RTN1: variants seen among roughly 807,000 people sequenced by gnomAD.
The protein encoded by RTN1 is reticulon 1.
Under a neutral mutation model 65.5 loss-of-function variants are expected in RTN1, and 25 were observed. That is an observed-to-expected ratio of 0.38 (90% CI 0.28 to 0.53). The LOEUF (loss-of-function observed/expected upper bound fraction) is 0.53. Among genes scored for constraint, RTN1 ranks in the 20% least tolerant of loss-of-function variants. RTN1 has a pLI of 0.79. For synonymous variants in RTN1, 471 were observed against 447.6 expected (o/e 1.05, Z -0.66); for missense variants, 983 against 1,025.4 (o/e 0.96, Z 0.57).
intron 1 of RTN1, among the ~76,000 whole-genome samples, chr14:59,771,158 T>C (rs1321846867): frequency 6.6e-6 from 1 of 152,224 alleles, no homozygotes. Flanking sequence ...TCTGTAGCCA[T>C]GATGGACTTG....
At position 59,870,319 on chromosome 14, in the gene RTN1, C is replaced by A; in HGVS notation, c.241+71G>T. 7.4e-7 allele frequency: 1 copy of A among 1,353,704 alleles called. No homozygotes were observed. The highest frequency in any genetic ancestry group is 9.5e-7 in the Non-Finnish European group (1 of 1,054,334). The allele number at this position is 1,353,704 out of a possible 1,614,324, so 83.9% of individuals were successfully genotyped here. On this transcript the variant is annotated intron_variant, in intron 1 of 8. Coordinates refer to ENST00000267484, the MANE Select transcript of RTN1 (RefSeq NM_021136.3). The surrounding 1 kb of genome is among the most constrained non-coding windows in gnomAD (Gnocchi z 5.1). ...GCGCGAGGCAGGTGCCCAGGAGAGCCGCGCAGAAGGGGACTGACTGGGGGG... is the reference window on the plus strand; with the variant it reads ...GCGCGAGGCAGGTGCCCAGGAGAGCAGCGCAGAAGGGGACTGACTGGGGGG...
chr14:59,623,464 G>T (rs1188753036), intron 3 of RTN1, among the ~76,000 whole-genome samples: 1 of 152,192 alleles, frequency 6.6e-6, no homozygotes, highest in Non-Finnish European at 1.5e-5. Flanking sequence ...TCACTTGGAG[G>T]GATCTTCACA....
At chr14:59,837,337 A>G in intron 1 of RTN1, among the ~76,000 whole-genome samples, 1 of 152,204 alleles carries the variant, frequency 6.6e-6, no homozygotes. Flanking sequence ...ATGTAAAAAA[A>G]TAAAATATTT....
At position 59,849,624 on chromosome 14, in the gene RTN1, T is replaced by A. The variant is rs950330091; in HGVS notation, c.241+20766A>T. On this transcript the variant is annotated intron_variant, in intron 1 of 8. Transcript: ENST00000267484. The surrounding 1 kb of genome is among the most constrained non-coding windows in gnomAD (Gnocchi z 4.5). The stretch of plus-strand genomic sequence containing the variant: ...CATTCAGCTGGGGGTGAGAAAGCTT[T>A]GGGTGGCCCTGTACAGAACCCCAAG... Among the ~76,000 whole-genome samples, 1 of 152,186 alleles carries A rather than the reference T, an allele frequency of 6.6e-6. No individual in the cohort carries two copies. Among genetic ancestry groups the A allele is most frequent in the African/African-American group, 2.4e-5 (1 of 41,466 alleles).
At chr14:59,704,790 C>T (rs1227613508) in intron 3 of RTN1, among the ~76,000 whole-genome samples, 1 of 152,088 alleles carries the variant, frequency 6.6e-6, no homozygotes, top group Admixed American at 6.5e-5. Flanking sequence ...GATTCCCGGA[C>T]ACTGTGATCA....
intron 3 of RTN1, among the ~76,000 whole-genome samples, chr14:59,666,955 G>A (rs548230133): frequency 1.1e-3 from 95 of 89,326 alleles, no homozygotes; most frequent in East Asian, 9.7e-3. Flanking sequence ...ATTAATAGCC[G>A]ACCAACCAAA....
At chr14:59,642,624 T>A (rs1292239730) in intron 3 of RTN1, among the ~76,000 whole-genome samples, 1 of 152,216 alleles carries the variant, frequency 6.6e-6, no homozygotes, top group Non-Finnish European at 1.5e-5. Flanking sequence ...AGTCATAATT[T>A]CAGAAATTTT....
At chr14:59,668,139 T>C (rs1337748140) in intron 3 of RTN1, among the ~76,000 whole-genome samples, 2 of 152,164 alleles carry the variant, frequency 1.3e-5, no homozygotes, top group Admixed American at 6.5e-5. Flanking sequence ...AGGGCCCACA[T>C]TGCCAAGTGA....
At chr14:59,633,176 G>A (rs1270825930) in intron 3 of RTN1, among the ~76,000 whole-genome samples, 5 of 152,232 alleles carry the variant, frequency 3.3e-5, no homozygotes, top group South Asian at 4.1e-4. Context: ...GGAGAGAGAT[G>A]TTGGATGGCA....
intron 1 of RTN1, among the ~76,000 whole-genome samples, chr14:59,842,383 T>C (rs765162834): frequency 2.6e-5 from 4 of 152,010 alleles, no homozygotes; most frequent in Non-Finnish European, 4.4e-5. Flanking sequence ...ACAAAATAAA[T>C]AGACAAAAAA....
intron 1 of RTN1, among the ~76,000 whole-genome samples, chr14:59,811,374 A>T (rs541945503): frequency 1.3e-5 from 2 of 152,344 alleles, no homozygotes; most frequent in South Asian, 4.1e-4. Flanking sequence ...CCACATTACA[A>T]GCTAAAATCA....
intron 1 of RTN1, among the ~76,000 whole-genome samples, chr14:59,832,753 T>C (rs1478804465): frequency 1.3e-5 from 2 of 152,234 alleles, no homozygotes; most frequent in African/African-American, 4.8e-5. Flanking sequence ...AGAGATGCTA[T>C]GGTGTCATTA....
At position 59,746,026 on chromosome 14, in the gene RTN1, G is replaced by A. The variant is rs766345102; in HGVS notation, c.697C>T (p.Pro233Ser). Residue 233 changes from proline (P) to serine (S), a missense_variant, in exon 2 of 9, where the codon CCT becomes TCT. Physicochemically the swap from Pro to Ser is moderately conservative, Grantham distance 74. Coordinates refer to ENST00000267484, the MANE Select transcript of RTN1 (RefSeq NM_021136.3). ...KNKDTDISIK[P>S]EGVREPDKPA... ...TTGTCAGGTTCACGGACTCCTTCAGGTTTAATTGAGATGTCAGTGTCTTTA... is the reference window on the plus strand; with the variant it reads ...TTGTCAGGTTCACGGACTCCTTCAGATTTAATTGAGATGTCAGTGTCTTTA... The A allele has an allele frequency of 6.8e-6, 11 of 1,613,986 alleles. No individual in the cohort carries two copies. In the Admixed American group the frequency reaches 1.2e-4, roughly 17 times the overall value.
chr14:59,837,045 A>ATATATT (rs141708359), intron 1 of RTN1, among the ~76,000 whole-genome samples: 8 of 151,696 alleles, frequency 5.3e-5, no homozygotes, highest in East Asian at 1.9e-4. Flanking sequence ...ATATATATAT[A>ATATATT]AAAGGAGAAA....
intron 3 of RTN1, among the ~76,000 whole-genome samples, chr14:59,714,232 TAAAAA>T (rs66785056): frequency 1.6e-4 from 20 of 127,998 alleles, no homozygotes; most frequent in Non-Finnish European, 1.4e-4. Flanking sequence ...AGACTCCGTC[TAAAAA>T]AAAAAAAAAA....
intron 1 of RTN1, among the ~76,000 whole-genome samples, chr14:59,850,524 A>G (rs55929110): frequency 0.22 from 33,679 of 152,144 alleles, 4,198 homozygotes; most frequent in East Asian, 0.56. Context: ...TTTTAAATTG[A>G]GGACCATATA....
At chr14:59,851,053 C>CA (rs1324571296) in intron 1 of RTN1, among the ~76,000 whole-genome samples, 3 of 152,056 alleles carry the variant, frequency 2.0e-5, no homozygotes, top group Non-Finnish European at 2.9e-5. Context: ...AAAACAAAAA[C>CA]AAAAAAACTC....
chr14:59,743,616 T>A (rs909816754), intron 2 of RTN1, among the ~76,000 whole-genome samples: 1 of 152,184 alleles, frequency 6.6e-6, no homozygotes, highest in Non-Finnish European at 1.5e-5. Flanking sequence ...TTCTGATTTG[T>A]CATTACTACC....
At chr14:59,808,835 G>A (rs926975876) in intron 1 of RTN1, among the ~76,000 whole-genome samples, 1 of 152,030 alleles carries the variant, frequency 6.6e-6, no homozygotes, top group East Asian at 1.9e-4. Flanking sequence ...TCTTGCTCCT[G>A]CTCCCACCAT....
Sources: allele counts gnomAD v4.1 joint callset (sites outside exome capture counted in the v4.1 genomes callset), GRCh38; gene constraint gnomAD v4.1.1; non-coding constraint Gnocchi (gnomAD v3.1); transcripts MANE v1.5; gene names NCBI Gene and HGNC (gene_info 2026-07-23, HGNC 2026-07-21).